STK10: variants seen among roughly 807,000 people sequenced by gnomAD.
The protein encoded by STK10 is serine/threonine kinase 10, also known as serine/threonine-protein kinase 10.
STK10 carries 78 observed loss-of-function variants against 113.8 expected under a neutral mutation model. That is an observed-to-expected ratio of 0.69 (90% confidence interval 0.57 to 0.83). The LOEUF is 0.83. Ranked by LOEUF, STK10 falls within the 40% of genes least tolerant of loss-of-function variation. The pLI, the probability that STK10 is intolerant of heterozygous loss-of-function variation, is 0.00. For missense variants in STK10, 1,109 were observed against 1,280.1 expected (o/e 0.87, Z 2.04); for synonymous variants, 465 against 494.7 (o/e 0.94, Z 0.80).
chr5:172,172,174 G>A (rs1770673978), intron 1 of STK10, among the ~76,000 whole-genome samples: 1 of 152,074 alleles, frequency 6.6e-6, no homozygotes, highest in South Asian at 2.1e-4. Context: ...TGGGTGACAA[G>A]AGTAAAACTC....
At chr5:172,180,012 C>A (rs1329397038) in intron 1 of STK10, among the ~76,000 whole-genome samples, 1 of 152,238 alleles carries the variant, frequency 6.6e-6, no homozygotes. Flanking sequence ...TGAGCAGCAG[C>A]TGCCAAGGCC....
intron 2 of STK10, among the ~76,000 whole-genome samples, chr5:172,134,668 G>A (rs1341564135): frequency 6.6e-6 from 1 of 151,606 alleles, no homozygotes; most frequent in African/African-American, 2.4e-5. Context: ...CAGCATTCTG[G>A]GAGGCTGAGA....
intron 4 of STK10, chr5:172,114,473 A>ATATATATATATATATATATT (rs1226289994): frequency 2.1e-5 from 1 of 47,548 alleles, no homozygotes; most frequent in African/African-American, 1.4e-4. Context: ...ATATATATAT[A>ATATATATATATATATATATT]TTTTTTTTTT....
At chr5:172,050,162 T>C (rs1174105850) in intron 18 of STK10, among the ~76,000 whole-genome samples, 3 of 152,248 alleles carry the variant, frequency 2.0e-5, no homozygotes, top group Non-Finnish European at 2.9e-5. Flanking sequence ...GCACTTAAGA[T>C]CACCTTGATG....
rs1367714021 is a variant in STK10, at chr5:172,076,242, C to CT, written c.1989+6083_1989+6084insA. Among the ~76,000 whole-genome samples, 40 of 33,570 alleles carry CT rather than the reference C, an allele frequency of 1.2e-3. 5 individuals carry two copies. Among genetic ancestry groups the CT allele is most frequent in the African/African-American group, 8.2e-3 (38 of 4,648 alleles). 22.0% of individuals were successfully genotyped at this position (33,570 alleles called of 152,430 possible). ...GCGTCCTGTGCATTTGTTGTGGGGGCGTCCTGTGCGTTAGTTGTGGGGGCT... is the reference window on the plus strand; with the variant it reads ...GCGTCCTGTGCATTTGTTGTGGGGGCTGTCCTGTGCGTTAGTTGTGGGGGCT... On this transcript the variant is annotated intron_variant, in intron 12 of 18. Coordinates refer to ENST00000176763, the MANE Select transcript of STK10 (RefSeq NM_005990.4).
chr5:172,109,418 GC>G (rs1464980301), intron 4 of STK10, among the ~76,000 whole-genome samples: 7 of 151,634 alleles, frequency 4.6e-5, no homozygotes, highest in Admixed American at 2.6e-4. Flanking sequence ...AACCTCCCAG[GC>G]TCAAGCAATC....
chr5:172,056,995 G>GAAGGAA (rs1157626941), intron 15 of STK10: 1,244 of 68,866 alleles, frequency 0.018, 10 homozygotes, highest in Middle Eastern at 0.056. Context: ...AAGAAAGAAA[G>GAAGGAA]AGAAAGAAGG....
chr5:172,107,818 A>C lies in STK10; in HGVS notation c.555T>G (p.Thr185=), dbSNP rs766048487. The C allele has an allele frequency of 1.9e-6, 3 of 1,614,078 alleles. No homozygotes were observed. Among genetic ancestry groups the C allele is most frequent in the Admixed American group, 3.3e-5 (2 of 60,000 alleles). The change falls in exon 5 of 19, where the codon ACT becomes ACG. Residue 185 remains threonine (T), a synonymous_variant. Coordinates refer to ENST00000176763, the MANE Select transcript of STK10 (RefSeq NM_005990.4). ...CGATGAAGGAATCTCGTTTCTGTAGAGTCTTCAGATTCTTGGCAGACACAC... is the reference window on the plus strand; with the variant it reads ...CGATGAAGGAATCTCGTTTCTGTAGCGTCTTCAGATTCTTGGCAGACACAC... The part of the protein sequence containing the change: ...DFGVSAKNLK[T]LQKRDSFIGT...
chr5:172,055,662 T>C lies in STK10; in HGVS notation c.2452A>G (p.Met818Val), dbSNP rs760393327. Residue 818 changes from methionine (M) to valine (V), a missense_variant, in exon 16 of 19, where the codon ATG becomes GTG. Physicochemically the swap from Met to Val is conservative, Grantham distance 21. This residue lies in a region of STK10 where 885 missense variants were observed against 991.1 expected (regional missense o/e 0.89). Coordinates refer to ENST00000176763, the MANE Select transcript of STK10 (RefSeq NM_005990.4). ...TGGAGGCTCTTCTTGTACATGGCCA[T>C]GCGCGTCTTGCCCTCACTCCTCTGG... Reference protein sequence around the residue: ...KIQRSEGKTRMAMYKKSLHIN... With the variant: ...KIQRSEGKTRVAMYKKSLHIN... 27 of 1,582,352 alleles carry C rather than the reference T, an allele frequency of 1.7e-5. No homozygotes were observed. Among genetic ancestry groups the C allele is most frequent in the East Asian group, 2.3e-5 (1 of 43,014 alleles).
intron 2 of STK10, among the ~76,000 whole-genome samples, chr5:172,149,970 C>T (rs1399882649): frequency 2.7e-5 from 4 of 148,710 alleles, no homozygotes; most frequent in Non-Finnish European, 4.5e-5. Context: ...TCGCTTGAAC[C>T]CAGGAGGCAG....
rs571179106 is a variant in STK10 at position 172,160,008 on chromosome 5, C to T, written c.157-3220G>A. 7.6e-4 allele frequency among the ~76,000 whole-genome samples: 115 copies of T among 151,518 alleles called. 1 individual carries two copies. The highest frequency in any genetic ancestry group is 2.0e-3 in the African/African-American group (84 of 41,242). ...AAAATTAGCTGGGCGTGGTGGCAGA[C>T]GCCTGTAATCCCAGCTACTTAGGAA... On this transcript the variant is annotated intron_variant, in intron 1 of 18. Coordinates refer to ENST00000176763, the MANE Select transcript of STK10 (RefSeq NM_005990.4).
chr5:172,042,616 G>A lies in STK10; in HGVS notation c.*2266C>T, dbSNP rs1767402370. On this transcript the variant is annotated 3_prime_UTR_variant, in exon 19 of 19. Coordinates refer to ENST00000176763, the MANE Select transcript of STK10 (RefSeq NM_005990.4). ...GTCTGGTGGTTCCCAACGCTGGCCT[G>A]GCCTGGTAGAACTGGGTCTATGTTC... 1 of 152,274 alleles carries A rather than the reference G, an allele frequency of 6.6e-6. No homozygotes were observed. 9.4% of individuals were successfully genotyped at this position (152,274 alleles called of 1,614,324 possible). A position where few individuals can be genotyped will look rare whatever the true frequency, so the allele number is the denominator to read the frequency against.
intron 13 of STK10, among the ~76,000 whole-genome samples, chr5:172,061,915 T>A (rs569698316): frequency 6.6e-6 from 1 of 152,212 alleles, no homozygotes; most frequent in East Asian, 1.9e-4. Flanking sequence ...TGAGGTGATA[T>A]TACTGAGATT....
intron 4 of STK10, among the ~76,000 whole-genome samples, chr5:172,115,445 G>A (rs1331421950): frequency 6.6e-6 from 1 of 152,070 alleles, no homozygotes; most frequent in Non-Finnish European, 1.5e-5. Flanking sequence ...CCAGGGATAC[G>A]GTCCTGGCAG....
chr5:172,166,085 G>A (rs773734880), intron 1 of STK10, among the ~76,000 whole-genome samples: 1 of 152,222 alleles, frequency 6.6e-6, no homozygotes, highest in Non-Finnish European at 1.5e-5. Context: ...GAGCCACTGC[G>A]CTCGGCCAGT....
intron 9 of STK10, among the ~76,000 whole-genome samples, chr5:172,092,008 C>T (rs534151666): frequency 6.6e-6 from 1 of 152,174 alleles, no homozygotes; most frequent in Admixed American, 6.5e-5. Context: ...GGTCTGGGCC[C>T]CTGTCTCCTG....
At chr5:172,051,292 T>C (rs1767620962) in intron 18 of STK10, among the ~76,000 whole-genome samples, 1 of 152,070 alleles carries the variant, frequency 6.6e-6, no homozygotes, top group Non-Finnish European at 1.5e-5. Flanking sequence ...TAGTCCCAGC[T>C]AGTCGGGAAG....
At chr5:172,121,002 G>GT (rs1769499025) in intron 3 of STK10, among the ~76,000 whole-genome samples, 1 of 149,416 alleles carries the variant, frequency 6.7e-6, no homozygotes, top group South Asian at 2.1e-4. Context: ...CTTTAATTTT[G>GT]TTTTTTGTTG....
chr5:172,135,572 A>G (rs1769837216), intron 2 of STK10, among the ~76,000 whole-genome samples: 1 of 152,188 alleles, frequency 6.6e-6, no homozygotes, highest in Non-Finnish European at 1.5e-5. Context: ...TGGAACCTTC[A>G]TACACTGATG....
Sources: allele counts gnomAD v4.1 joint callset (sites outside exome capture counted in the v4.1 genomes callset), GRCh38; gene constraint gnomAD v4.1.1; regional missense constraint gnomAD v4.1.1; transcripts MANE v1.5; gene names NCBI Gene and HGNC (gene_info 2026-07-23, HGNC 2026-07-21).